Variants in FBXO25 observed in about 807,000 individuals in gnomAD.
FBXO25 encodes F-box only protein 25.
Under a neutral mutation model 51.9 loss-of-function variants are expected in FBXO25, and 45 were observed. The observed-to-expected ratio is 0.87, with a 90% CI of 0.68 to 1.11. The LOEUF (loss-of-function observed/expected upper bound fraction) is 1.11, where lower values mean the gene tolerates loss of function less well. FBXO25 is among the 50% of genes most tolerant of loss of function. The probability of loss-of-function intolerance (pLI) is 0.00; values close to 1 mark genes in which losing one functional copy is unlikely to be tolerated. For missense variants in FBXO25, 507 were observed against 428.5 expected, an observed-to-expected ratio of 1.18 and a Z score of -1.62; for synonymous variants, 199 against 151.0, an observed-to-expected ratio of 1.32 and a Z score of -2.33.
rs534975488 is a variant in FBXO25, at chr8:468,919, G to C, written c.*115G>C. 53 of 966,258 alleles carry C rather than the reference G, an allele frequency of 5.5e-5. No homozygotes were observed. The African/African-American group carries it at 7.2e-4, about 13-fold the overall frequency. The allele number at this position is 966,258 out of a possible 1,614,324, so 59.9% of individuals were successfully genotyped here. A position where few individuals can be genotyped will look rare whatever the true frequency, so the allele number is the denominator to read the frequency against. On this transcript the variant is annotated 3_prime_UTR_variant, in exon 10 of 10. Coordinates refer to ENST00000350302, the MANE Select transcript of FBXO25 (RefSeq NM_183420.2). ...CCTCGGAAGCCCCTGCTTCCAGAAA[G>C]CCTGGGAAGAACTGCCCTTCTGCAA...
chr8:441,195 C>A (rs1266315543), intron 5 of FBXO25, among the ~76,000 whole-genome samples: 1 of 152,060 alleles, frequency 6.6e-6, no homozygotes, highest in Non-Finnish European at 1.5e-5. Flanking sequence ...AGAACAGAGG[C>A]CTCAGAAATA....
intron 3 of FBXO25, among the ~76,000 whole-genome samples, chr8:431,697 G>A (rs1365448074): frequency 6.6e-6 from 1 of 152,182 alleles, no homozygotes; most frequent in Non-Finnish European, 1.5e-5. Context: ...TTGAATTATG[G>A]TCATGAATTC....
intron 5 of FBXO25, among the ~76,000 whole-genome samples, chr8:438,480 G>GT (rs1306637707): frequency 6.6e-6 from 1 of 152,184 alleles, no homozygotes; most frequent in Non-Finnish European, 1.5e-5. Flanking sequence ...AGAATTTAGT[G>GT]TTCAATTACA....
intron 5 of FBXO25, among the ~76,000 whole-genome samples, chr8:447,741 T>C (rs1798832312): frequency 1.3e-5 from 2 of 152,228 alleles, no homozygotes; most frequent in African/African-American, 4.8e-5. Context: ...GGTAATTTTA[T>C]ACAGTATTTT....
At chr8:450,992 C>A in intron 6 of FBXO25, 1 of 263,054 alleles carries the variant, frequency 3.8e-6, no homozygotes, top group Non-Finnish European at 7.1e-6. Context: ...CATGTAAGTG[C>A]CTTATGTAAG....
At chr8:465,239 T>C (rs1800075949) in intron 9 of FBXO25, among the ~76,000 whole-genome samples, 1 of 152,184 alleles carries the variant, frequency 6.6e-6, no homozygotes, top group Non-Finnish European at 1.5e-5. Context: ...CCTGTTCTTC[T>C]CTGAAATATT....
At chr8:452,126 T>C (rs1472564966) in intron 7 of FBXO25, among the ~76,000 whole-genome samples, 1 of 152,218 alleles carries the variant, frequency 6.6e-6, no homozygotes, top group Non-Finnish European at 1.5e-5. Flanking sequence ...CTAGTTACCT[T>C]TTATCACAGC....
chr8:469,354 G>C lies in FBXO25; in HGVS notation c.*550G>C, dbSNP rs1159125087. On this transcript the variant is annotated 3_prime_UTR_variant, in exon 10 of 10. Coordinates refer to ENST00000350302, the MANE Select transcript of FBXO25 (RefSeq NM_183420.2). ...AGCCATTCTTGTCTTAGGGATTATG[G>C]ATCGGGGTATGAAGTGTGCACACGC... 1 of 152,924 alleles carries C rather than the reference G, an allele frequency of 6.5e-6. No homozygotes were observed. Among genetic ancestry groups the C allele is most frequent in the Non-Finnish European group, 1.5e-5 (1 of 68,598 alleles). The allele number at this position is 152,924 out of a possible 1,614,324, so 9.5% of individuals were successfully genotyped here.
chr8:441,369 A>T (rs1162945913), intron 5 of FBXO25, among the ~76,000 whole-genome samples: 3 of 152,252 alleles, frequency 2.0e-5, no homozygotes, highest in Admixed American at 1.3e-4. Flanking sequence ...AATTAACTCA[A>T]GATGGATTAA....
At chr8:424,253 C>G (rs1249098514) in intron 2 of FBXO25, among the ~76,000 whole-genome samples, 1 of 151,176 alleles carries the variant, frequency 6.6e-6, no homozygotes, top group Non-Finnish European at 1.5e-5. Context: ...CCTGTAGATT[C>G]TGGATATTAG....
rs140998468 is a variant in FBXO25 at position 454,078 on chromosome 8, C to T, written c.660+2625C>T. Among the ~76,000 whole-genome samples the T allele has an allele frequency of 4.7e-3, 716 of 152,140 alleles. 6 individuals carry two copies. The highest frequency in any genetic ancestry group is 0.016 in the African/African-American group (660 of 41,486). On this transcript the variant is annotated intron_variant, in intron 7 of 9. Coordinates refer to ENST00000350302, the MANE Select transcript of FBXO25 (RefSeq NM_183420.2). The stretch of plus-strand genomic sequence containing the variant: ...GGTGGAGGTTGCAGTGAGCCGAGAT[C>T]GTGCCATTGCACTCCAGCGTGGGCG...
intron 2 of FBXO25, among the ~76,000 whole-genome samples, chr8:416,622 C>T (rs1267458913): frequency 6.6e-6 from 1 of 152,104 alleles, no homozygotes; most frequent in East Asian, 1.9e-4. Context: ...GAAAGGGTTT[C>T]CTTGGAAATG....
chr8:456,849 T>TGC (rs1799471344), intron 7 of FBXO25, among the ~76,000 whole-genome samples: 2 of 152,084 alleles, frequency 1.3e-5, no homozygotes, highest in Non-Finnish European at 2.9e-5. Flanking sequence ...CCCAGGAAGG[T>TGC]GCTTCCATAG....
chr8:446,415 G>T (rs1488134228), intron 5 of FBXO25, among the ~76,000 whole-genome samples: 1 of 152,200 alleles, frequency 6.6e-6, no homozygotes, highest in Non-Finnish European at 1.5e-5. Flanking sequence ...GGGAGGCTTT[G>T]GTTATTAAGC....
chr8:467,613 C>A, intron 9 of FBXO25: 2 of 1,134,508 alleles, frequency 1.8e-6, no homozygotes, highest in Non-Finnish European at 2.7e-6. Flanking sequence ...TAATATGAAT[C>A]AAACCTGAAT....
At chr8:452,755 C>T (rs1799175840) in intron 7 of FBXO25, among the ~76,000 whole-genome samples, 2 of 152,124 alleles carry the variant, frequency 1.3e-5, no homozygotes, top group South Asian at 4.1e-4. Flanking sequence ...AGATGTGGAG[C>T]CAGTGGAGAG....
chr8:451,154 T>A, intron 6 of FBXO25, 115 bp from the exon 7 acceptor site: 1 of 790,056 alleles, frequency 1.3e-6, no homozygotes, highest in Non-Finnish European at 2.0e-6. Context: ...CATGTATAGA[T>A]CACACGTTGT....
chr8:411,765 C>T (rs1796495215), intron 1 of FBXO25, among the ~76,000 whole-genome samples: 1 of 152,066 alleles, frequency 6.6e-6, no homozygotes, highest in African/African-American at 2.4e-5. Flanking sequence ...GTTGAGGCAG[C>T]AGAAGGGCGC....
chr8:407,314 C>A, intron 1 of FBXO25: 5 of 959,136 alleles, frequency 5.2e-6, no homozygotes, highest in Non-Finnish European at 4.9e-6. Flanking sequence ...ACGGGGTTGT[C>A]GCGGGCGCGT....
Sources: allele counts gnomAD v4.1 joint callset (sites outside exome capture counted in the v4.1 genomes callset), GRCh38; gene constraint gnomAD v4.1.1; transcripts MANE v1.5; gene names NCBI Gene and HGNC (gene_info 2026-07-23, HGNC 2026-07-21).